Variants in IMMP2L observed in about 807,000 individuals in gnomAD.
The protein encoded by IMMP2L is inner mitochondrial membrane peptidase subunit 2, also known as mitochondrial inner membrane protease subunit 2.
A neutral mutation model predicts 19.3 loss-of-function variants in IMMP2L; 18 were observed. The observed-to-expected ratio is 0.93, with a 90% CI of 0.64 to 1.38. The LOEUF (loss-of-function observed/expected upper bound fraction) is 1.38, where lower values mean the gene tolerates loss of function less well. IMMP2L is among the 40% of genes most tolerant of loss of function. IMMP2L has a pLI of 0.00. For missense variants in IMMP2L, 233 were observed against 218.2 expected (o/e 1.07, Z -0.43); for synonymous variants, 76 against 73.0 (o/e 1.04, Z -0.21).
Position 110,760,807 on chromosome 7 carries a change from T to C in IMMP2L, c.409-97086A>G, listed in dbSNP as rs11762006. Among the ~76,000 whole-genome samples the C allele has an allele frequency of 0.33, 50,383 of 151,982 alleles. 10,195 individuals are homozygous for C. Among genetic ancestry groups the C allele is most frequent in the East Asian group, 0.7 (3,581 of 5,138 alleles). The stretch of plus-strand genomic sequence containing the variant: ...CTAAACACCTATTTCTTACTACAAG[T>C]GTAGAACGCCAGATAGGATCATCAC... On this transcript the variant is annotated intron_variant, in intron 5 of 5. Transcript: ENST00000405709. This position sits in a 1 kb window ranked among gnomAD's most constrained non-coding sequence, Gnocchi z 4.2.
At chr7:111,337,405 T>A (rs919410944) in intron 3 of IMMP2L, among the ~76,000 whole-genome samples, 1 of 152,010 alleles carries the variant, frequency 6.6e-6, no homozygotes, top group African/African-American at 2.4e-5. Context: ...CCAGCACATA[T>A]TTTGCAGTAT....
chr7:111,201,511 T>C (rs1249505951), intron 3 of IMMP2L, among the ~76,000 whole-genome samples: 1 of 150,796 alleles, frequency 6.6e-6, no homozygotes, highest in Non-Finnish European at 1.5e-5. Context: ...AGCCTAGGAG[T>C]TCAAGATCAG....
intron 2 of IMMP2L, among the ~76,000 whole-genome samples, chr7:111,500,485 T>A (rs1844095100): frequency 1.3e-5 from 2 of 152,072 alleles, no homozygotes; most frequent in Admixed American, 1.3e-4. Context: ...CAGCTGGAGA[T>A]CTGAGAAAGG....
chr7:111,130,881 AAAAAACAAGAAAT>A (rs1206266369), intron 3 of IMMP2L, among the ~76,000 whole-genome samples: 1 of 152,064 alleles, frequency 6.6e-6, no homozygotes, highest in South Asian at 2.1e-4. Flanking sequence ...CCTATTCAAT[AAAAAACAAGAAAT>A]CATGTCTCCA....
intron 1 of IMMP2L, among the ~76,000 whole-genome samples, chr7:111,551,160 A>G (rs1182968905): frequency 6.6e-6 from 1 of 152,206 alleles, no homozygotes; most frequent in African/African-American, 2.4e-5. Context: ...CCCCAGCGAC[A>G]AGCAAGATGA....
chr7:111,463,139 T>G (rs1778003348), intron 3 of IMMP2L, among the ~76,000 whole-genome samples: 2 of 152,058 alleles, frequency 1.3e-5, no homozygotes, highest in African/African-American at 2.4e-5. Flanking sequence ...GACTTGCACA[T>G]GGCCATCTTC....
At chr7:111,407,150 A>G (rs1432469262) in intron 3 of IMMP2L, among the ~76,000 whole-genome samples, 3 of 152,060 alleles carry the variant, frequency 2.0e-5, no homozygotes, top group African/African-American at 7.2e-5. Context: ...AAGATAAAAA[A>G]TAACAAATGT....
chr7:111,114,372 C>A (rs1415796707), intron 3 of IMMP2L, among the ~76,000 whole-genome samples: 1 of 151,980 alleles, frequency 6.6e-6, no homozygotes, highest in African/African-American at 2.4e-5. Flanking sequence ...GCATGAAAAA[C>A]TAAAAATATC....
chr7:111,023,446 G>T (rs902806356), intron 3 of IMMP2L, among the ~76,000 whole-genome samples: 4 of 151,688 alleles, frequency 2.6e-5, no homozygotes, highest in African/African-American at 9.7e-5. Context: ...CATGCCTGCA[G>T]TCCCAGCACT....
chr7:110,678,016 G>A (rs1227653707), intron 5 of IMMP2L, among the ~76,000 whole-genome samples: 1 of 152,106 alleles, frequency 6.6e-6, no homozygotes, highest in Non-Finnish European at 1.5e-5. Context: ...CATCCTCCCT[G>A]AACTCACAAG....
intron 3 of IMMP2L, among the ~76,000 whole-genome samples, chr7:111,212,629 G>A (rs566119913): frequency 1.3e-5 from 2 of 152,076 alleles, no homozygotes; most frequent in Non-Finnish European, 2.9e-5. Context: ...CAAAAAAAAG[G>A]GGGGGTGGCA....
At chr7:110,738,661 A>T (rs1796798557) in intron 5 of IMMP2L, among the ~76,000 whole-genome samples, 1 of 152,248 alleles carries the variant, frequency 6.6e-6, no homozygotes, top group South Asian at 2.1e-4. Context: ...GAAATAGTCG[A>T]AGAAAACTTC....
chr7:111,471,003 A>C (rs1841210396), intron 3 of IMMP2L, among the ~76,000 whole-genome samples: 1 of 152,114 alleles, frequency 6.6e-6, no homozygotes, highest in Non-Finnish European at 1.5e-5. Context: ...GAAAACTTCA[A>C]GGAGGAAGAA....
At chr7:111,125,648 TTAAC>T (rs1309242729) in intron 3 of IMMP2L, among the ~76,000 whole-genome samples, 1 of 152,110 alleles carries the variant, frequency 6.6e-6, no homozygotes, top group Non-Finnish European at 1.5e-5. Flanking sequence ...ATTTAACCCT[TTAAC>T]TATTGACAGA....
chr7:111,425,722 T>C (rs1385152900), intron 3 of IMMP2L, among the ~76,000 whole-genome samples: 1 of 151,166 alleles, frequency 6.6e-6, no homozygotes, highest in East Asian at 1.9e-4. Flanking sequence ...AATTTTCAAA[T>C]TCACTCAGTA....
chr7:111,316,751 A>G (rs1824127830), intron 3 of IMMP2L, among the ~76,000 whole-genome samples: 1 of 152,020 alleles, frequency 6.6e-6, no homozygotes, highest in South Asian at 2.1e-4. Context: ...TTTACAATCA[A>G]AAAAGGCCAT....
chr7:110,680,410 G>T (rs1379385132), intron 5 of IMMP2L, among the ~76,000 whole-genome samples: 1 of 152,126 alleles, frequency 6.6e-6, no homozygotes, highest in Non-Finnish European at 1.5e-5. Flanking sequence ...CGAGTGGTCA[G>T]AGCTATAACT....
At chr7:111,137,893 C>T (rs879872505) in intron 3 of IMMP2L, among the ~76,000 whole-genome samples, 1 of 152,178 alleles carries the variant, frequency 6.6e-6, no homozygotes. Flanking sequence ...GACATGATCT[C>T]AGCTCCCTGC....
At chr7:110,922,027 GA>G (rs1814351122) in intron 4 of IMMP2L, among the ~76,000 whole-genome samples, 1 of 152,038 alleles carries the variant, frequency 6.6e-6, no homozygotes, top group African/African-American at 2.4e-5. Flanking sequence ...TCATTAGCTA[GA>G]AAAAAACATT....
Sources: gnomAD v4.1 joint callset for allele counts (sites outside exome capture counted in the v4.1 genomes callset) on GRCh38, gnomAD v4.1.1 for gene constraint, Gnocchi (gnomAD v3.1) non-coding constraint, MANE v1.5 for transcripts, NCBI Gene and HGNC (gene_info 2026-07-23, HGNC 2026-07-21) for gene names.